RALYL: variants seen among roughly 807,000 people sequenced by gnomAD.
The protein encoded by RALYL is RNA-binding Raly-like protein.
In RALYL, 29 loss-of-function variants were observed where a neutral mutation model predicts 35.1. That is an observed-to-expected ratio of 0.83 (90% CI 0.61 to 1.13). RALYL has a LOEUF of 1.13. Among genes scored for constraint, RALYL ranks in the 50% most tolerant of loss-of-function variants. The pLI, the probability that RALYL is intolerant of heterozygous loss-of-function variation, is 0.00. For missense variants in RALYL, 359 were observed against 360.4 expected, an observed-to-expected ratio of 1.00 and a Z score of 0.03; for synonymous variants, 120 against 127.6, an observed-to-expected ratio of 0.94 and a Z score of 0.40.
At chr8:84,786,931 A>G (rs1195003860) in intron 3 of RALYL, among the ~76,000 whole-genome samples, 1 of 152,220 alleles carries the variant, frequency 6.6e-6, no homozygotes, top group Non-Finnish European at 1.5e-5. Context: ...CAAATAAAAT[A>G]TATGCAGAGA....
At chr8:84,605,189 A>G (rs1247723430) in intron 2 of RALYL, among the ~76,000 whole-genome samples, 2 of 152,100 alleles carry the variant, frequency 1.3e-5, no homozygotes, top group East Asian at 3.9e-4. Flanking sequence ...TATAAGCTTC[A>G]TTTGAGGATT....
At chr8:84,329,220 C>T (rs188312399) in intron 1 of RALYL, among the ~76,000 whole-genome samples, 183 of 152,272 alleles carry the variant, frequency 1.2e-3, no homozygotes, top group African/African-American at 4.2e-3. Flanking sequence ...TACATTCCCA[C>T]CAACAGTATG....
intron 6 of RALYL, chr8:84,872,513 A>G (rs1309187292): frequency 6.6e-6 from 1 of 152,196 alleles, no homozygotes; most frequent in Non-Finnish European, 1.5e-5. Flanking sequence ...ACTGTAGTCA[A>G]TAGTAGGCTA....
At chr8:84,752,479 A>G (rs1053101317) in intron 2 of RALYL, among the ~76,000 whole-genome samples, 2 of 152,202 alleles carry the variant, frequency 1.3e-5, no homozygotes, top group Non-Finnish European at 2.9e-5. Context: ...AGGCTGCAGA[A>G]ATTTGCATAA....
intron 1 of RALYL, among the ~76,000 whole-genome samples, chr8:84,482,409 T>C (rs1361013297): frequency 6.6e-6 from 1 of 152,136 alleles, no homozygotes; most frequent in Non-Finnish European, 1.5e-5. Context: ...TGTGTGTTCA[T>C]TTATGCTTAA....
rs529375125 is a variant in RALYL, at chr8:84,432,773, T to C, written c.-23-96526T>C. Among the ~76,000 whole-genome samples the C allele has an allele frequency of 8.5e-5, 13 of 152,132 alleles. No homozygotes were observed. The South Asian group carries it at 2.5e-3, about 29-fold the overall frequency. ...GAGGCATAGATTGGAATTATAAAGTTGCAATCCAAGGAATAACAAAGATGA... is the reference window on the plus strand; with the variant it reads ...GAGGCATAGATTGGAATTATAAAGTCGCAATCCAAGGAATAACAAAGATGA... On this transcript the variant is annotated intron_variant, in intron 1 of 8. Coordinates refer to ENST00000521268, the MANE Select transcript of RALYL (RefSeq NM_173848.7).
chr8:84,790,121 C>G lies in RALYL; in HGVS notation c.333-14649C>G, dbSNP rs180707563. ...ATCTGGGGAGCCAGTCAGTGTGTTA[C>G]AAGTTTCTTGGTCATACAATAAAGT... On this transcript the variant is annotated intron_variant, in intron 3 of 8. Coordinates refer to ENST00000521268, the MANE Select transcript of RALYL (RefSeq NM_173848.7). Among the ~76,000 whole-genome samples, 419 of 152,244 alleles carry G rather than the reference C, an allele frequency of 2.8e-3. 3 individuals carry two copies. Among genetic ancestry groups the G allele is most frequent in the African/African-American group, 9.4e-3 (390 of 41,540 alleles).
Position 84,855,362 on chromosome 8 carries a change from A to T in RALYL, c.413+5335A>T, listed in dbSNP as rs1047151920. ...CATACTCTTTCTGCCAGGTTTGGAGACTCTAATGTGATTGAGGGTTTCCAA... is the reference window on the plus strand; with the variant it reads ...CATACTCTTTCTGCCAGGTTTGGAGTCTCTAATGTGATTGAGGGTTTCCAA... On this transcript the variant is annotated intron_variant, in intron 5 of 8. Transcript: ENST00000521268. Among the ~76,000 whole-genome samples, 3 of 152,200 alleles carry T rather than the reference A, an allele frequency of 2.0e-5. No individual in the cohort carries two copies. The South Asian group carries it at 6.2e-4, about 32-fold the overall frequency.
intron 1 of RALYL, among the ~76,000 whole-genome samples, chr8:84,443,827 T>C (rs969697823): frequency 1.3e-5 from 2 of 152,112 alleles, no homozygotes; most frequent in Non-Finnish European, 2.9e-5. Context: ...TTCACCTACT[T>C]CTTAATTACA....
intron 4 of RALYL, among the ~76,000 whole-genome samples, chr8:84,830,396 G>T (rs1029568888): frequency 6.6e-6 from 1 of 152,032 alleles, no homozygotes; most frequent in Non-Finnish European, 1.5e-5. Flanking sequence ...AAAATGGGGG[G>T]TGGGGGTCTA....
At chr8:84,208,419 A>G (rs947929543) in intron 1 of RALYL, among the ~76,000 whole-genome samples, 1 of 151,954 alleles carries the variant, frequency 6.6e-6, no homozygotes, top group African/African-American at 2.4e-5. Flanking sequence ...TTTTAGACCT[A>G]CTCTCAGCTT....
chr8:84,649,625 G>C (rs1828271333), intron 2 of RALYL, among the ~76,000 whole-genome samples: 1 of 152,000 alleles, frequency 6.6e-6, no homozygotes, highest in East Asian at 1.9e-4. Flanking sequence ...GCTCTGTTCT[G>C]TTCCATTGAT....
At chr8:84,553,215 G>A (rs2060870184) in intron 2 of RALYL, among the ~76,000 whole-genome samples, 1 of 152,158 alleles carries the variant, frequency 6.6e-6, no homozygotes, top group African/African-American at 2.4e-5. Context: ...TCCCTGGAGT[G>A]CAGTGGCACA....
intron 7 of RALYL, among the ~76,000 whole-genome samples, chr8:84,887,290 A>G (rs1350353098): frequency 6.6e-6 from 1 of 152,180 alleles, no homozygotes; most frequent in Non-Finnish European, 1.5e-5. Flanking sequence ...AGAAAGCACT[A>G]TATATAAAAT....
intron 1 of RALYL, among the ~76,000 whole-genome samples, chr8:84,469,186 G>A (rs2052278593): frequency 6.6e-6 from 1 of 152,166 alleles, no homozygotes; most frequent in African/African-American, 2.4e-5. Context: ...TTGCTGGTGA[G>A]GAACTGTGTT....
At chr8:84,228,867 T>C (rs1419690285) in intron 1 of RALYL, among the ~76,000 whole-genome samples, 1 of 152,134 alleles carries the variant, frequency 6.6e-6, no homozygotes, top group African/African-American at 2.4e-5. Context: ...GAAAGCTCAC[T>C]CACTATCATG....
chr8:84,627,466 G>A (rs1384269601), intron 2 of RALYL, among the ~76,000 whole-genome samples: 1 of 147,536 alleles, frequency 6.8e-6, no homozygotes, highest in Non-Finnish European at 1.5e-5. Flanking sequence ...GAGTGGCTAG[G>A]ATTCCAAATT....
chr8:84,823,615 C>A (rs1828971897), intron 4 of RALYL, among the ~76,000 whole-genome samples: 1 of 152,034 alleles, frequency 6.6e-6, no homozygotes, highest in African/African-American at 2.4e-5. Flanking sequence ...ACTTCCCTCT[C>A]CCTTTCTCAC....
chr8:84,499,848 A>G (rs2056475787), intron 1 of RALYL, among the ~76,000 whole-genome samples: 1 of 152,128 alleles, frequency 6.6e-6, no homozygotes, highest in Non-Finnish European at 1.5e-5. Flanking sequence ...TCAAACTCCC[A>G]GGCATAAGTC....
Sources: gnomAD v4.1 joint callset for allele counts (sites outside exome capture counted in the v4.1 genomes callset) on GRCh38, gnomAD v4.1.1 for gene constraint, MANE v1.5 for transcripts, NCBI Gene and HGNC (gene_info 2026-07-23, HGNC 2026-07-21) for gene names.